The following PARG variants were observed in gnomAD, a reference collection of about 807,000 sequenced individuals.
The protein encoded by PARG is poly(ADP-ribose) glycohydrolase.
In PARG, 35 loss-of-function variants were observed where a neutral mutation model predicts 113.0. That is an observed-to-expected ratio of 0.31 (90% CI 0.24 to 0.41). The LOEUF (loss-of-function observed/expected upper bound fraction) is 0.41. PARG is among the 10% of genes least tolerant of loss of function. The pLI, the probability that PARG is intolerant of heterozygous loss-of-function variation, is 1.00. For missense variants in PARG, 797 were observed against 1,169.4 expected, an observed-to-expected ratio of 0.68 and a Z score of 4.64; for synonymous variants, 330 against 409.9, an observed-to-expected ratio of 0.81 and a Z score of 2.36.
chr10:49,852,252 T>A (rs1554834311), intron 13 of PARG, among the ~76,000 whole-genome samples: 1 of 152,124 alleles, frequency 6.6e-6, no homozygotes, highest in African/African-American at 2.4e-5. Context: ...ATAATAAAGT[T>A]AAGTGGATGT....
chr10:49,917,488 C>CAAAAAAAAAAAAAAA (rs71026277), intron 6 of PARG, among the ~76,000 whole-genome samples: 13 of 47,516 alleles, frequency 2.7e-4, no homozygotes, highest in Non-Finnish European at 4.4e-4. Flanking sequence ...GACTCCGTCT[C>CAAAAAAAAAAAAAAA]AAAAAAAAAA....
intron 7 of PARG, among the ~76,000 whole-genome samples, chr10:49,888,963 A>G (rs1172036151): frequency 1.3e-5 from 2 of 151,492 alleles, no homozygotes; most frequent in African/African-American, 4.9e-5. Context: ...TCTTTCCTCT[A>G]TCATCTCCAT....
At chr10:49,911,392 G>C (rs1250992434) in intron 7 of PARG, among the ~76,000 whole-genome samples, 1 of 152,032 alleles carries the variant, frequency 6.6e-6, no homozygotes, top group African/African-American at 2.4e-5. Flanking sequence ...AAAATGCCAG[G>C]AGTAAGTATA....
At position 49,879,722 on chromosome 10, in the gene PARG, C is replaced by T. The variant is rs782530870; in HGVS notation, c.1939G>A (p.Ala647Thr). 2.5e-6 allele frequency: 4 copies of T among 1,579,648 alleles called. No individual in the cohort carries two copies. The African/African-American group carries it at 5.4e-5, about 21-fold the overall frequency. The change falls in exon 9 of 18, where the codon GCT (alanine) becomes ACT (threonine). Residue 647 changes from alanine to threonine, a missense_variant. Coordinates refer to ENST00000616448, the MANE Select transcript of PARG (RefSeq NM_003631.5). Reference sequence around the variant, plus strand: ...CTAGAATACTCCGATTTCATCTTAGCATTTCGTCGTGGAAATGTGCAGAAG... The same window carrying T: ...CTAGAATACTCCGATTTCATCTTAGTATTTCGTCGTGGAAATGTGCAGAAG... ...AFFCTFPRRNAKMKSEYSSYP... is the reference protein window; with the variant it reads ...AFFCTFPRRNTKMKSEYSSYP...
In PARG at chr10:49,892,357, C is replaced by T. The variant is rs568193522; in HGVS notation, c.1738-7062G>A. 4.6e-5 allele frequency among the ~76,000 whole-genome samples: 7 copies of T among 152,274 alleles called. No individual in the cohort carries two copies. In the East Asian group the frequency reaches 9.7e-4, roughly 21 times the overall value. On this transcript the variant is annotated intron_variant, in intron 7 of 17. Transcript: ENST00000616448. ...TATAAACAGATGCATATTTCCTCCCCAAACTTCTTCTGAGAACTTAGGTGT... is the reference window on the plus strand; with the variant it reads ...TATAAACAGATGCATATTTCCTCCCTAAACTTCTTCTGAGAACTTAGGTGT...
chr10:49,917,618 C>T (rs1220908614), intron 6 of PARG, among the ~76,000 whole-genome samples: 2 of 151,242 alleles, frequency 1.3e-5, no homozygotes, highest in African/African-American at 2.4e-5. Context: ...TCCAGGAGTT[C>T]GAGACTAGCC....
chr10:49,935,927 G>A (rs1288677940), intron 1 of PARG, among the ~76,000 whole-genome samples: 1 of 152,140 alleles, frequency 6.6e-6, no homozygotes, highest in Non-Finnish European at 1.5e-5. Context: ...TCATCTAGGA[G>A]GCTCACAGTC....
intron 7 of PARG, among the ~76,000 whole-genome samples, 166 bp downstream of exon 7, chr10:49,915,751 A>G (rs1299825603): frequency 1.3e-5 from 2 of 152,170 alleles, no homozygotes; most frequent in Non-Finnish European, 2.9e-5. Flanking sequence ...ACAAAATTCA[A>G]TATTAACTCC....
At chr10:49,852,392 C>T (rs1243715907) in intron 13 of PARG, among the ~76,000 whole-genome samples, 1 of 150,922 alleles carries the variant, frequency 6.6e-6, no homozygotes, top group Admixed American at 6.6e-5. Flanking sequence ...TTAGAGATTA[C>T]GTAAAAGGAG....
intron 13 of PARG, among the ~76,000 whole-genome samples, chr10:49,852,380 G>A (rs1379460901): frequency 1.3e-5 from 2 of 151,440 alleles, no homozygotes; most frequent in Non-Finnish European, 2.9e-5. Context: ...CTGCAGGAAC[G>A]TTTAGAGATT....
At chr10:49,928,073 G>C (rs368162768) in intron 4 of PARG, among the ~76,000 whole-genome samples, 547 of 151,752 alleles carry the variant, frequency 3.6e-3, no homozygotes, top group East Asian at 0.015. Flanking sequence ...GAGTTTAAGA[G>C]TAGCCTAGCC....
intron 15 of PARG, among the ~76,000 whole-genome samples, chr10:49,836,472 A>C (rs1844940238): frequency 1.3e-5 from 2 of 151,830 alleles, no homozygotes; most frequent in Non-Finnish European, 2.9e-5. Context: ...ACATTAATAC[A>C]TTGTTTTTGC....
intron 6 of PARG, among the ~76,000 whole-genome samples, chr10:49,921,066 C>T (rs1188688669): frequency 3.9e-5 from 6 of 151,904 alleles, no homozygotes; most frequent in South Asian, 2.1e-4. Flanking sequence ...GAAAGAAGGA[C>T]GGAAATGTTG....
intron 13 of PARG, among the ~76,000 whole-genome samples, chr10:49,856,719 AT>A (rs1846007775): frequency 6.6e-6 from 1 of 152,080 alleles, no homozygotes; most frequent in African/African-American, 2.4e-5. Flanking sequence ...ATGTCATAAA[AT>A]TTCAAACTGC....
intron 9 of PARG, among the ~76,000 whole-genome samples, chr10:49,877,032 T>G (rs1554838529): frequency 6.7e-6 from 1 of 150,060 alleles, no homozygotes; most frequent in African/African-American, 2.4e-5. Context: ...GCCCCTTTCT[T>G]AGTGTTGATA....
intron 7 of PARG, among the ~76,000 whole-genome samples, chr10:49,889,095 T>C (rs1239848439): frequency 1.3e-5 from 2 of 151,884 alleles, no homozygotes; most frequent in Non-Finnish European, 2.9e-5. Flanking sequence ...TTTCTGTTTT[T>C]TTCATTTGTT....
intron 16 of PARG, among the ~76,000 whole-genome samples, chr10:49,830,298 A>T (rs1554830108): frequency 6.6e-6 from 1 of 152,248 alleles, no homozygotes; most frequent in Non-Finnish European, 1.5e-5. Flanking sequence ...AAGACAGGAA[A>T]AAAGTATCTG....
intron 7 of PARG, among the ~76,000 whole-genome samples, chr10:49,896,120 T>A (rs1362928811): frequency 2.0e-5 from 3 of 152,238 alleles, no homozygotes; most frequent in Non-Finnish European, 4.4e-5. Flanking sequence ...GGATTTCTAG[T>A]ACAATGTTAA....
At chr10:49,821,690 T>C (rs1844092203) in intron 16 of PARG, among the ~76,000 whole-genome samples, 1 of 152,200 alleles carries the variant, frequency 6.6e-6, no homozygotes, top group Non-Finnish European at 1.5e-5. Flanking sequence ...AAAGAGGGTA[T>C]CTTTTTACAG....
Sources: gnomAD v4.1 joint callset for allele counts (sites outside exome capture counted in the v4.1 genomes callset) on GRCh38, gnomAD v4.1.1 for gene constraint, MANE v1.5 for transcripts, NCBI Gene and HGNC (gene_info 2026-07-23, HGNC 2026-07-21) for gene names.